The following COL22A1 variants were observed in gnomAD, a reference collection of about 807,000 sequenced individuals.
COL22A1 encodes collagen alpha-1(XXII) chain.
In COL22A1, 221 loss-of-function variants were observed where a neutral mutation model predicts 248.9. The observed-to-expected ratio is 0.89, with a 90% CI of 0.80 to 0.99. COL22A1 has a LOEUF of 0.99. Ranked by LOEUF, COL22A1 falls within the 50% of genes least tolerant of loss-of-function variation. The pLI, the probability that COL22A1 is intolerant of heterozygous loss-of-function variation, is 0.00. For synonymous variants in COL22A1, 891 were observed against 793.4 expected (o/e 1.12, Z -2.07); for missense variants, 2,240 against 2,179.0 (o/e 1.03, Z -0.56).
At chr8:138,593,555 G>C (rs189401489) in intron 63 of COL22A1, among the ~76,000 whole-genome samples, 134 of 152,184 alleles carry the variant, frequency 8.8e-4, no homozygotes, top group African/African-American at 3.1e-3. Flanking sequence ...TATGGCCTCC[G>C]CCCTTTGAAG....
intron 22 of COL22A1, among the ~76,000 whole-genome samples, chr8:138,743,390 G>A (rs1831845225): frequency 6.6e-6 from 1 of 151,470 alleles, no homozygotes; most frequent in African/African-American, 2.4e-5. Flanking sequence ...GATGGTAGTA[G>A]TGATTGTGAT....
Position 138,646,610 on chromosome 8 carries a change from G to A in COL22A1, c.3501+19C>T, listed in dbSNP as rs1258627946. ...TGAGCAGAATAGATCCATGCAGATG[G>A]TTATGAAGTCTCACTGACCTGTGGT... On this transcript the variant is annotated intron_variant, in intron 47 of 64. Coordinates refer to ENST00000303045, the MANE Select transcript of COL22A1 (RefSeq NM_152888.3). 2.1e-5 allele frequency: 33 copies of A among 1,565,942 alleles called. No homozygotes were observed. Among genetic ancestry groups the A allele is most frequent in the South Asian group, 4.8e-5 (4 of 84,116 alleles).
intron 7 of COL22A1, among the ~76,000 whole-genome samples, chr8:138,816,902 T>A (rs778633831): frequency 2.0e-5 from 3 of 152,212 alleles, no homozygotes; most frequent in Non-Finnish European, 2.9e-5. Flanking sequence ...AGTCAATGGG[T>A]GTAATACCCC....
chr8:138,712,555 C>T (rs1414162792), intron 30 of COL22A1, among the ~76,000 whole-genome samples: 4 of 38,910 alleles, frequency 1.0e-4, no homozygotes, highest in Admixed American at 2.8e-4. Flanking sequence ...GCAAAGAGTA[C>T]GTGTTCTATC....
At chr8:138,676,419 A>G (rs1825522026) in intron 41 of COL22A1, 139 bp downstream of exon 41, 1 of 253,528 alleles carries the variant, frequency 3.9e-6, no homozygotes, top group African/African-American at 4.7e-5. Context: ...AAGAAAAAGA[A>G]AGAAAGAAAG....
chr8:138,607,801 C>A, intron 57 of COL22A1, 135 bp downstream of exon 57: 3 of 750,538 alleles, frequency 4.0e-6, no homozygotes, highest in Non-Finnish European at 4.3e-6. Flanking sequence ...TTACCTCCAA[C>A]CTATTTCTAC....
At chr8:138,904,543 C>T (rs1449075795) in intron 1 of COL22A1, among the ~76,000 whole-genome samples, 4 of 152,124 alleles carry the variant, frequency 2.6e-5, no homozygotes, top group South Asian at 2.1e-4. Context: ...TTTCTTCAAA[C>T]GTGGTAGAGC....
At chr8:138,899,371 A>T (rs1814375241) in intron 1 of COL22A1, among the ~76,000 whole-genome samples, 2 of 152,186 alleles carry the variant, frequency 1.3e-5, no homozygotes, top group Admixed American at 1.3e-4. Context: ...TGCAGAAAAT[A>T]AGAAGATCTG....
At chr8:138,641,516 T>C (rs2130445032) in intron 47 of COL22A1, among the ~76,000 whole-genome samples, 1 of 152,334 alleles carries the variant, frequency 6.6e-6, no homozygotes, top group South Asian at 2.1e-4. Flanking sequence ...TTCTTCCTCC[T>C]TTACACGGAT....
intron 10 of COL22A1, among the ~76,000 whole-genome samples, chr8:138,804,117 G>C (rs954305420): frequency 6.6e-6 from 1 of 152,084 alleles, no homozygotes; most frequent in Non-Finnish European, 1.5e-5. Context: ...TGGCCTATGA[G>C]TCCTGGGGAC....
intron 4 of COL22A1, among the ~76,000 whole-genome samples, chr8:138,842,175 T>C (rs1820933208): frequency 6.6e-6 from 1 of 152,190 alleles, no homozygotes; most frequent in African/African-American, 2.4e-5. Context: ...GTGCCTCAGT[T>C]TTTCCAACTG....
chr8:138,684,470 CT>C lies in COL22A1; in HGVS notation c.2968-2del. On this transcript the variant is annotated splice_acceptor_variant, in intron 38 of 64. Transcript: ENST00000303045. LOFTEE classifies it high-confidence loss of function. ...GGAGTCCAGGTGATCCACGGAGTCC[CT>C]GGAGAAATAAATAATACAAGGACAA... The C allele has an allele frequency of 6.2e-7, 1 of 1,607,544 alleles. No homozygotes were observed. The highest frequency in any genetic ancestry group is 8.5e-7 in the Non-Finnish European group (1 of 1,174,110).
chr8:138,656,282 G>A (rs1823253245), intron 44 of COL22A1, among the ~76,000 whole-genome samples: 1 of 152,112 alleles, frequency 6.6e-6, no homozygotes, highest in East Asian at 1.9e-4. Flanking sequence ...AGTACCGTGG[G>A]AGGCAAAGCG....
intron 3 of COL22A1, among the ~76,000 whole-genome samples, chr8:138,873,919 T>C (rs1281113400): frequency 2.0e-5 from 3 of 152,234 alleles, no homozygotes; most frequent in Non-Finnish European, 4.4e-5. Flanking sequence ...CCTGATATTT[T>C]TAGTCTACCA....
chr8:138,827,594 G>T (rs551157950), intron 5 of COL22A1, among the ~76,000 whole-genome samples: 1 of 152,124 alleles, frequency 6.6e-6, no homozygotes, highest in South Asian at 2.1e-4. Flanking sequence ...TGTGGAGCCA[G>T]CCTCTCACCT....
intron 4 of COL22A1, among the ~76,000 whole-genome samples, chr8:138,841,891 A>C (rs907329890): frequency 1.3e-5 from 2 of 152,236 alleles, no homozygotes; most frequent in Non-Finnish European, 2.9e-5. Flanking sequence ...AGAGCTCTGA[A>C]TATTGCAACG....
chr8:138,686,138 C>T (rs1032233027), intron 37 of COL22A1, among the ~76,000 whole-genome samples: 1 of 152,210 alleles, frequency 6.6e-6, no homozygotes, highest in Non-Finnish European at 1.5e-5. Flanking sequence ...AGATACAATC[C>T]AATCCCTCTT....
At chr8:138,901,170 C>CAA (rs35437692) in intron 1 of COL22A1, among the ~76,000 whole-genome samples, 3 of 109,928 alleles carry the variant, frequency 2.7e-5, no homozygotes, top group Non-Finnish European at 5.9e-5. Context: ...CCACTGCTTT[C>CAA]AAAAAAAAAA....
At chr8:138,906,365 G>A (rs1213069317) in intron 1 of COL22A1, among the ~76,000 whole-genome samples, 3 of 25,806 alleles carry the variant, frequency 1.2e-4, no homozygotes, top group African/African-American at 4.8e-4. Flanking sequence ...GCATGACTCC[G>A]TCTCAAAAAA....
Sources: allele counts gnomAD v4.1 joint callset (sites outside exome capture counted in the v4.1 genomes callset), GRCh38; gene constraint gnomAD v4.1.1; transcripts MANE v1.5; gene names NCBI Gene and HGNC (gene_info 2026-07-23, HGNC 2026-07-21).